The following CDH13 variants were observed in gnomAD, a reference collection of about 807,000 sequenced individuals.
CDH13 encodes the protein cadherin 13, also known as cadherin-13.
A neutral mutation model predicts 63.8 loss-of-function variants in CDH13; 24 were observed. That is an observed-to-expected ratio of 0.38 (90% confidence interval 0.27 to 0.53). The LOEUF (loss-of-function observed/expected upper bound fraction) is 0.53. CDH13 is among the 20% of genes least tolerant of loss of function. The pLI is 0.85. For missense variants in CDH13, 1,049 were observed against 903.1 expected, an observed-to-expected ratio of 1.16 and a Z score of -2.07; for synonymous variants, 503 against 355.3, an observed-to-expected ratio of 1.42 and a Z score of -4.67.
In CDH13 at chr16:83,108,529, C is replaced by T. The variant is rs377459787; in HGVS notation, c.367-16856C>T. Among the ~76,000 whole-genome samples the T allele has an allele frequency of 2.0e-5, 3 of 152,204 alleles. No individual in the cohort carries two copies. In the South Asian group the frequency reaches 6.2e-4, roughly 32 times the overall value. On this transcript the variant is annotated intron_variant, in intron 3 of 13. Coordinates refer to ENST00000567109, the MANE Select transcript of CDH13 (RefSeq NM_001257.5). ...CCACAGAAACAAGAGAGGCCAGGCT[C>T]CTCCCCACTGCAAAGGGCACAAACT...
At chr16:82,834,727 A>G (rs1293817207) in intron 1 of CDH13, among the ~76,000 whole-genome samples, 1 of 152,194 alleles carries the variant, frequency 6.6e-6, no homozygotes, top group Admixed American at 6.5e-5. Context: ...TGCTGGGTCC[A>G]TGGGGATATT....
At chr16:82,850,153 G>A (rs3911751) in intron 1 of CDH13, among the ~76,000 whole-genome samples, 94,238 of 152,068 alleles carry the variant, frequency 0.62, 29,683 homozygotes, top group East Asian at 0.87. Context: ...TGATGGATCA[G>A]GACAAAATGA....
chr16:82,638,070 C>A (rs967929906), intron 1 of CDH13, among the ~76,000 whole-genome samples: 1 of 152,196 alleles, frequency 6.6e-6, no homozygotes, highest in Non-Finnish European at 1.5e-5. Flanking sequence ...GGCTGCTGTG[C>A]CTTCCTTTGC....
chr16:83,459,736 C>T (rs2073127192), intron 6 of CDH13, among the ~76,000 whole-genome samples: 3 of 152,112 alleles, frequency 2.0e-5, no homozygotes, highest in Admixed American at 2.0e-4. Context: ...GAAAAATAAC[C>T]AAATGACTCA....
At chr16:83,429,641 G>C (rs921131470) in intron 6 of CDH13, among the ~76,000 whole-genome samples, 1 of 152,180 alleles carries the variant, frequency 6.6e-6, no homozygotes, top group Non-Finnish European at 1.5e-5. Flanking sequence ...ATGCTGAGGG[G>C]AAGGTGACCA....
intron 2 of CDH13, among the ~76,000 whole-genome samples, chr16:82,872,218 T>C (rs1444287359): frequency 6.6e-6 from 1 of 152,184 alleles, no homozygotes. Flanking sequence ...GGAAATGTTT[T>C]TTAGGTGGCA....
intron 2 of CDH13, among the ~76,000 whole-genome samples, chr16:82,903,940 C>G (rs7206435): frequency 0.19 from 29,163 of 152,140 alleles, 3,717 homozygotes; most frequent in African/African-American, 0.36. Flanking sequence ...GTCTGTCTGT[C>G]TGCTTCTCTG....
At chr16:83,573,881 A>T (rs1030836377) in intron 7 of CDH13, among the ~76,000 whole-genome samples, 1 of 152,136 alleles carries the variant, frequency 6.6e-6, no homozygotes, top group African/African-American at 2.4e-5. Context: ...TAGCTGTCCC[A>T]TTATTTTGGC....
At chr16:83,140,163 A>G (rs551723918) in intron 4 of CDH13, among the ~76,000 whole-genome samples, 1 of 152,324 alleles carries the variant, frequency 6.6e-6, no homozygotes, top group Non-Finnish European at 1.5e-5. Flanking sequence ...GTGACACCTA[A>G]CAGTTAACAT....
At chr16:83,718,513 T>C (rs897929836) in intron 10 of CDH13, among the ~76,000 whole-genome samples, 1 of 152,206 alleles carries the variant, frequency 6.6e-6, no homozygotes, top group Non-Finnish European at 1.5e-5. Context: ...CAGTGGAATG[T>C]TCATGAAGAT....
At chr16:83,512,342 AAATAAAT>A (rs2074590017) in intron 7 of CDH13, among the ~76,000 whole-genome samples, 2 of 144,966 alleles carry the variant, frequency 1.4e-5, no homozygotes, top group Admixed American at 1.4e-4. Context: ...ATAAATAAAT[AAATAAAT>A]AAATAAATAA....
intron 1 of CDH13, among the ~76,000 whole-genome samples, chr16:82,713,226 A>G (rs1240011051): frequency 6.6e-6 from 1 of 152,170 alleles, no homozygotes; most frequent in African/African-American, 2.4e-5. Context: ...CAGCCTGGCC[A>G]AGACCTATCA....
At chr16:83,472,827 C>T (rs895739063) in intron 6 of CDH13, among the ~76,000 whole-genome samples, 1 of 152,148 alleles carries the variant, frequency 6.6e-6, no homozygotes, top group Non-Finnish European at 1.5e-5. Flanking sequence ...GTGTGGCTGG[C>T]CCTGTTTCAT....
At chr16:83,329,676 C>A (rs769502875) in intron 5 of CDH13, among the ~76,000 whole-genome samples, 8 of 152,064 alleles carry the variant, frequency 5.3e-5, no homozygotes, top group Non-Finnish European at 8.8e-5. Context: ...CTATAGCTAC[C>A]CTTTGCCCCC....
intron 5 of CDH13, among the ~76,000 whole-genome samples, chr16:83,337,018 T>C (rs149181189): frequency 1.3e-5 from 2 of 152,338 alleles, no homozygotes; most frequent in African/African-American, 2.4e-5. Flanking sequence ...ATGACTCAAA[T>C]GAAGGGCAAG....
intron 2 of CDH13, among the ~76,000 whole-genome samples, chr16:82,989,321 C>T (rs1180027777): frequency 1.3e-5 from 2 of 152,144 alleles, no homozygotes; most frequent in East Asian, 1.9e-4. Flanking sequence ...GTTTGCATAT[C>T]GTATTACCTT....
At chr16:83,308,088 A>T (rs1346589263) in intron 5 of CDH13, among the ~76,000 whole-genome samples, 1 of 152,198 alleles carries the variant, frequency 6.6e-6, no homozygotes, top group Non-Finnish European at 1.5e-5. Context: ...TGCTTTTCTT[A>T]AATATGTTGT....
At chr16:83,577,716 C>T (rs59064145) in intron 7 of CDH13, among the ~76,000 whole-genome samples, 1,560 of 152,272 alleles carry the variant, frequency 0.01, 22 homozygotes, top group African/African-American at 0.036. Context: ...CCTTGTGATA[C>T]ATCCCCCTCG....
chr16:83,790,824 A>T (rs1021431839), intron 13 of CDH13, among the ~76,000 whole-genome samples: 2 of 152,230 alleles, frequency 1.3e-5, no homozygotes, highest in Non-Finnish European at 2.9e-5. Context: ...TTTTTCTAGC[A>T]CGACTTTTAT....
Sources: gnomAD v4.1 joint callset for allele counts (sites outside exome capture counted in the v4.1 genomes callset) on GRCh38, gnomAD v4.1.1 for gene constraint, MANE v1.5 for transcripts, NCBI Gene and HGNC (gene_info 2026-07-23, HGNC 2026-07-21) for gene names.